Variants in PRORP observed in about 807,000 individuals in gnomAD.
PRORP encodes the protein mitochondrial ribonuclease P catalytic subunit.
Under a neutral mutation model 59.4 loss-of-function variants are expected in PRORP, and 51 were observed. The observed-to-expected ratio is 0.86, with a 90% confidence interval of 0.69 to 1.08. The LOEUF (loss-of-function observed/expected upper bound fraction) is 1.08. PRORP is among the 50% of genes least tolerant of loss of function. PRORP has a pLI of 0.00. For missense variants in PRORP, 646 were observed against 690.3 expected (o/e 0.94, Z 0.72); for synonymous variants, 231 against 245.6 (o/e 0.94, Z 0.55).
Position 35,274,298 on chromosome 14 carries a change from A to T in PRORP, c.*732A>T, listed in dbSNP as rs1168230518. The T allele has an allele frequency of 6.6e-6, 1 of 151,546 alleles. No individual in the cohort carries two copies. The highest frequency in any genetic ancestry group is 1.5e-5 in the Non-Finnish European group (1 of 68,042). The allele number at this position is 151,546 out of a possible 1,614,324, so 9.4% of individuals were successfully genotyped here. A position where few individuals can be genotyped will look rare whatever the true frequency, so the allele number is the denominator to read the frequency against. ...TGAGTAATTGGGACTACAGGCATGT[A>T]TCACCAGGCTTGGCTAATTTTTTTT... On this transcript the variant is annotated 3_prime_UTR_variant, in exon 8 of 8. Coordinates refer to ENST00000534898, the MANE Select transcript of PRORP (RefSeq NM_014672.4).
intron 4 of PRORP, among the ~76,000 whole-genome samples, chr14:35,163,506 CTGA>C (rs1248420485): frequency 1.3e-5 from 2 of 152,120 alleles, no homozygotes; most frequent in African/African-American, 4.8e-5. Context: ...CTGCATTTCT[CTGA>C]TGATTAGTGA....
chr14:35,158,777 CT>C, intron 4 of PRORP: 1 of 360,120 alleles, frequency 2.8e-6, no homozygotes, highest in Non-Finnish European at 5.5e-6. Flanking sequence ...TTAACACTAC[CT>C]TCCTTGATTA....
In PRORP at chr14:35,165,760, A is replaced by T. The variant is rs558393150; in HGVS notation, c.1168-14910A>T. ...AGTGGCATGATCTTGGTTCACTGCA[A>T]CCTTCGCCTCCTGGGTTTAAGCAAT... On this transcript the variant is annotated intron_variant, in intron 4 of 7. Transcript: ENST00000534898. Among the ~76,000 whole-genome samples the T allele has an allele frequency of 1.3e-5, 2 of 152,054 alleles. 1 individual carries two copies. The highest frequency in any genetic ancestry group is 4.8e-5 in the African/African-American group (2 of 41,502).
intron 2 of PRORP, 84 bp downstream of exon 2, chr14:35,124,315 T>G: frequency 1.2e-6 from 1 of 859,590 alleles, no homozygotes; most frequent in Non-Finnish European, 1.7e-6. Context: ...TTGCCCAGAC[T>G]GGAGTGCAGT....
intron 5 of PRORP, among the ~76,000 whole-genome samples, chr14:35,196,371 G>A (rs899233375): frequency 1.3e-5 from 2 of 152,176 alleles, no homozygotes; most frequent in Admixed American, 1.3e-4. Context: ...GCACACACCT[G>A]TAGTCCCACC....
chr14:35,172,787 T>G (rs1008308011), intron 4 of PRORP, among the ~76,000 whole-genome samples: 2 of 151,954 alleles, frequency 1.3e-5, no homozygotes, highest in Non-Finnish European at 2.9e-5. Flanking sequence ...AGGATGGTCT[T>G]GATCTCTTGA....
intron 5 of PRORP, 83 bp from the exon 6 acceptor site, chr14:35,266,644 T>C: frequency 1.4e-6 from 2 of 1,445,588 alleles, no homozygotes; most frequent in South Asian, 2.5e-5. Flanking sequence ...GCTTCACCAT[T>C]GAGGTGGCCT....
upstream of PRORP, chr14:35,121,968 T>C (rs1056879): frequency 0.36 from 581,182 of 1,613,370 alleles, 106,571 homozygotes; most frequent in Middle Eastern, 0.46. Flanking sequence ...ATGGCCGACT[T>C]CCGCGCAGCA....
intron 5 of PRORP, among the ~76,000 whole-genome samples, chr14:35,213,879 C>T (rs2049516708): frequency 6.6e-6 from 1 of 152,134 alleles, no homozygotes; most frequent in Non-Finnish European, 1.5e-5. Context: ...CAAAATGTGA[C>T]ATAAAGACAA....
intron 5 of PRORP, among the ~76,000 whole-genome samples, chr14:35,253,359 A>G (rs375980832): frequency 7.0e-6 from 1 of 142,014 alleles, no homozygotes; most frequent in Non-Finnish European, 1.5e-5. Context: ...GAGAGAGAGA[A>G]AGAAAGAAAG....
rs150556447 is a variant in PRORP at position 35,221,360 on chromosome 14, T to C, written c.1275+40583T>C. Among the ~76,000 whole-genome samples, 961 of 152,330 alleles carry C rather than the reference T, an allele frequency of 6.3e-3. 32 individuals are homozygous for C. The highest frequency in any genetic ancestry group is 0.041 in the Admixed American group (626 of 15,296). On this transcript the variant is annotated intron_variant, in intron 5 of 7. Coordinates refer to ENST00000534898, the MANE Select transcript of PRORP (RefSeq NM_014672.4). ...ACCTTAAAGAAAGACATGATCAGTA[T>C]AATTGGTTTTCCCTTTTGCCTCAAG...
intron 5 of PRORP, among the ~76,000 whole-genome samples, chr14:35,186,363 T>C (rs1175840672): frequency 6.6e-6 from 1 of 151,898 alleles, no homozygotes; most frequent in Non-Finnish European, 1.5e-5. Flanking sequence ...TTCTTTTTTA[T>C]TGAGAAATAT....
intron 7 of PRORP, among the ~76,000 whole-genome samples, chr14:35,272,025 C>CA (rs1218024688): frequency 2.4e-4 from 27 of 111,182 alleles, no homozygotes; most frequent in East Asian, 1.7e-3. Context: ...GACTCCGTCT[C>CA]AAAAAAAACA....
At chr14:35,179,554 T>C (rs1028331023) in intron 4 of PRORP, among the ~76,000 whole-genome samples, 1 of 152,230 alleles carries the variant, frequency 6.6e-6, no homozygotes, top group Admixed American at 6.5e-5. Flanking sequence ...TGTGCATTCG[T>C]CACGTAGTTC....
intron 5 of PRORP, among the ~76,000 whole-genome samples, chr14:35,199,528 T>C (rs925645907): frequency 1.3e-5 from 2 of 152,082 alleles, no homozygotes; most frequent in Non-Finnish European, 2.9e-5. Context: ...GGGAGTGAGT[T>C]CAGCTCTTTT....
intron 4 of PRORP, chr14:35,158,718 C>G (rs573209341): frequency 2.0e-5 from 8 of 391,608 alleles, no homozygotes; most frequent in South Asian, 1.7e-4. Context: ...TTACTATTAT[C>G]TACTGCATCT....
At chr14:35,144,636 G>A (rs1366162564) in intron 4 of PRORP, among the ~76,000 whole-genome samples, 1 of 145,934 alleles carries the variant, frequency 6.9e-6, no homozygotes, top group East Asian at 2.3e-4. Flanking sequence ...GTTGGCTCTT[G>A]GAGATAATCA....
chr14:35,142,547 A>G (rs1396925182), intron 4 of PRORP, among the ~76,000 whole-genome samples: 1 of 141,826 alleles, frequency 7.1e-6, no homozygotes, highest in Non-Finnish European at 1.6e-5. Flanking sequence ...AATTTTAGAT[A>G]GGGTAGAGAT....
chr14:35,157,208 G>T (rs2047937822), intron 4 of PRORP, among the ~76,000 whole-genome samples: 1 of 152,034 alleles, frequency 6.6e-6, no homozygotes, highest in East Asian at 1.9e-4. Context: ...TCCCGCCTCG[G>T]CCTCTCAAAG....
Sources: allele counts gnomAD v4.1 joint callset (sites outside exome capture counted in the v4.1 genomes callset), GRCh38; gene constraint gnomAD v4.1.1; transcripts MANE v1.5; gene names NCBI Gene and HGNC (gene_info 2026-07-23, HGNC 2026-07-21).